The following PDZK1 variants were observed in gnomAD, a reference collection of about 807,000 sequenced individuals.
PDZK1 encodes the protein Na(+)/H(+) exchange regulatory cofactor NHE-RF3.
A neutral mutation model predicts 38.1 loss-of-function variants in PDZK1; 23 were observed. That is an observed-to-expected ratio of 0.60 (90% CI 0.43 to 0.85). PDZK1 has a LOEUF of 0.85. Ranked by LOEUF, PDZK1 falls within the 40% of genes least tolerant of loss-of-function variation. The pLI, the probability that PDZK1 is intolerant of heterozygous loss-of-function variation, is 0.00. For missense variants in PDZK1, 297 were observed against 504.3 expected (o/e 0.59, Z 3.94); for synonymous variants, 98 against 186.2 (o/e 0.53, Z 3.86).
intron 3 of PDZK1, among the ~76,000 whole-genome samples, chr1:145,685,422 T>C (rs2796998): frequency 4.6e-5 from 7 of 152,178 alleles, no homozygotes; most frequent in Admixed American, 2.6e-4. Context: ...CATTAGCACA[T>C]GAGCCAGATG....
At chr1:145,685,917 C>G (rs1194084398) in intron 3 of PDZK1, among the ~76,000 whole-genome samples, 7 of 152,094 alleles carry the variant, frequency 4.6e-5, no homozygotes, top group African/African-American at 1.7e-4. Flanking sequence ...GGGGCTGAGC[C>G]GCAGCTGAGG....
intron 6 of PDZK1, among the ~76,000 whole-genome samples, chr1:145,674,928 G>T (rs1424784862): frequency 1.3e-5 from 2 of 152,166 alleles, no homozygotes; most frequent in Non-Finnish European, 2.9e-5. Context: ...ATATACACAG[G>T]AATAATTGGT....
At chr1:145,690,253 C>T (rs782687181) in intron 1 of PDZK1, among the ~76,000 whole-genome samples, 2 of 152,120 alleles carry the variant, frequency 1.3e-5, no homozygotes, top group Non-Finnish European at 2.9e-5. Context: ...AACCTGCGAG[C>T]ATCAGTTCAG....
At chr1:145,700,197 C>A (rs1008080861) in intron 1 of PDZK1, among the ~76,000 whole-genome samples, 1 of 152,182 alleles carries the variant, frequency 6.6e-6, no homozygotes, top group Non-Finnish European at 1.5e-5. Context: ...ATTTTAGCTG[C>A]TGAAAAGTCA....
chr1:145,707,096 A>G (rs111479567), intron 1 of PDZK1, among the ~76,000 whole-genome samples: 1 of 152,196 alleles, frequency 6.6e-6, no homozygotes, highest in African/African-American at 2.4e-5. Context: ...ACCCTAGCCT[A>G]CAAAGGTGAG....
intron 1 of PDZK1, among the ~76,000 whole-genome samples, chr1:145,706,918 G>C (rs1169521389): frequency 6.6e-6 from 1 of 151,886 alleles, no homozygotes; most frequent in Non-Finnish European, 1.5e-5. Context: ...TTCCAGAAGA[G>C]TCTTCTCTGC....
At chr1:145,696,575 G>T (rs1655640388) in intron 1 of PDZK1, among the ~76,000 whole-genome samples, 1 of 152,208 alleles carries the variant, frequency 6.6e-6, no homozygotes, top group Non-Finnish European at 1.5e-5. Context: ...GACACAGGGA[G>T]AAGACAGGAG....
At chr1:145,674,580 C>T (rs1216130694) in intron 6 of PDZK1, among the ~76,000 whole-genome samples, 4 of 152,108 alleles carry the variant, frequency 2.6e-5, no homozygotes, top group African/African-American at 9.7e-5. Flanking sequence ...CCTGGTTCTC[C>T]GGCCTTTGGA....
At chr1:145,673,212 A>G (rs1653269440) in intron 7 of PDZK1, among the ~76,000 whole-genome samples, 192 bp from the exon 8 acceptor site, 1 of 152,130 alleles carries the variant, frequency 6.6e-6, no homozygotes. Context: ...CCATATTCAC[A>G]TGATTAGTGG....
intron 7 of PDZK1, 90 bp from the exon 8 acceptor site, chr1:145,673,110 A>G (rs1172844973): frequency 8.3e-7 from 1 of 1,209,732 alleles, no homozygotes; most frequent in Non-Finnish European, 1.2e-6. Flanking sequence ...GGAGCTCAAG[A>G]ATTTATTTTT....
intron 1 of PDZK1, among the ~76,000 whole-genome samples, chr1:145,703,186 A>G (rs782322583): frequency 1.1e-4 from 17 of 152,264 alleles, no homozygotes; most frequent in African/African-American, 2.9e-4. Context: ...CATCTTCTGA[A>G]TTTCAGTTAT....
chr1:145,698,742 A>G (rs1215246718), intron 1 of PDZK1, among the ~76,000 whole-genome samples: 1 of 152,078 alleles, frequency 6.6e-6, no homozygotes, highest in African/African-American at 2.4e-5. Flanking sequence ...CAGCTTGGCC[A>G]ACATGGTGAA....
At chr1:145,685,909 G>A (rs1654713901) in intron 3 of PDZK1, among the ~76,000 whole-genome samples, 1 of 152,126 alleles carries the variant, frequency 6.6e-6, no homozygotes, top group African/African-American at 2.4e-5. Context: ...GAACAGGTGG[G>A]GCTGAGCCGC....
intron 1 of PDZK1, among the ~76,000 whole-genome samples, chr1:145,703,046 T>A (rs1348094448): frequency 1.3e-5 from 2 of 152,160 alleles, no homozygotes; most frequent in Non-Finnish European, 2.9e-5. Flanking sequence ...GAGCACTTAC[T>A]CATAGTACGT....
chr1:145,690,264 T>G, intron 1 of PDZK1, among the ~76,000 whole-genome samples: 1 of 152,234 alleles, frequency 6.6e-6, no homozygotes, highest in Non-Finnish European at 1.5e-5. Flanking sequence ...ATCAGTTCAG[T>G]TTCAGCTTGA....
At chr1:145,677,691 T>C (rs1417518335) in intron 6 of PDZK1, among the ~76,000 whole-genome samples, 3 of 150,716 alleles carry the variant, frequency 2.0e-5, no homozygotes, top group Non-Finnish European at 3.0e-5. Flanking sequence ...TTAGTCTCTC[T>C]AAGCTTCGGT....
intron 6 of PDZK1, among the ~76,000 whole-genome samples, chr1:145,677,984 G>C (rs1191554140): frequency 8.7e-6 from 1 of 114,526 alleles, no homozygotes; most frequent in African/African-American, 3.3e-5. Flanking sequence ...GAGCTGTTAA[G>C]AGAAAATAAA....
At chr1:145,689,665 G>C (rs1655080394) in intron 1 of PDZK1, among the ~76,000 whole-genome samples, 1 of 152,134 alleles carries the variant, frequency 6.6e-6, no homozygotes, top group South Asian at 2.1e-4. Context: ...CCACCTGCAA[G>C]GCAAGCCCTC....
At chr1:145,674,798 A>G (rs1382971107) in intron 6 of PDZK1, among the ~76,000 whole-genome samples, 1 of 152,028 alleles carries the variant, frequency 6.6e-6, no homozygotes, top group Non-Finnish European at 1.5e-5. Flanking sequence ...CAATTCCCCT[A>G]ATTAATCTCC....
Sources: gnomAD v4.1 joint callset for allele counts (sites outside exome capture counted in the v4.1 genomes callset) on GRCh38, gnomAD v4.1.1 for gene constraint, MANE v1.5 for transcripts, NCBI Gene and HGNC (gene_info 2026-07-23, HGNC 2026-07-21) for gene names.